Variants in INCENP observed in about 807,000 individuals in gnomAD.
INCENP encodes binds and activates aurora-B and -C in vivo and in vitro.
In INCENP, 43 loss-of-function variants were observed where a neutral mutation model predicts 107.3. The ratio of observed to expected loss-of-function variants is 0.40; its 90% confidence interval spans 0.31 to 0.52. The LOEUF (loss-of-function observed/expected upper bound fraction) is 0.52, where lower values mean the gene tolerates loss of function less well. Ranked by LOEUF, INCENP falls within the 20% of genes least tolerant of loss-of-function variation. The pLI is 0.53. For missense variants in INCENP, 1,089 were observed against 1,250.9 expected (o/e 0.87, Z 1.95); for synonymous variants, 488 against 494.4 (o/e 0.99, Z 0.17).
chr11:62,151,439 G>C (rs1457346455), intron 18 of INCENP, among the ~76,000 whole-genome samples: 1 of 152,228 alleles, frequency 6.6e-6, no homozygotes, highest in Non-Finnish European at 1.5e-5. Context: ...GCCATTATTA[G>C]CTGTATGCCT....
intron 11 of INCENP, among the ~76,000 whole-genome samples, chr11:62,142,721 C>T (rs1165457929): frequency 6.6e-6 from 1 of 152,170 alleles, no homozygotes; most frequent in Middle Eastern, 3.2e-3. Flanking sequence ...ATGTTAGTCC[C>T]GATTTTGAAG....
intron 11 of INCENP, 25 bp downstream of exon 11, chr11:62,141,536 T>G (rs1307511582): frequency 6.2e-7 from 1 of 1,613,998 alleles, no homozygotes; most frequent in Admixed American, 1.7e-5. Context: ...TTCCTGTCGG[T>G]AACCTCGCCC....
intron 7 of INCENP, among the ~76,000 whole-genome samples, chr11:62,139,523 C>T (rs1470495592): frequency 2.0e-5 from 3 of 152,216 alleles, no homozygotes; most frequent in Non-Finnish European, 4.4e-5. Flanking sequence ...GCTGTGAGAT[C>T]TTGAACACGG....
At chr11:62,126,465 G>A (rs1943752769) in intron 1 of INCENP, among the ~76,000 whole-genome samples, 1 of 152,148 alleles carries the variant, frequency 6.6e-6, no homozygotes. Flanking sequence ...TAAAGTGCTG[G>A]GATTACAGGC....
chr11:62,144,810 G>A (rs1015163674), intron 11 of INCENP, 172 bp from the exon 12 acceptor site: 3 of 770,158 alleles, frequency 3.9e-6, no homozygotes, highest in Non-Finnish European at 7.1e-6. Flanking sequence ...GGGAGCTGCG[G>A]GCCTTGGCTT....
rs765006826 is a variant in INCENP at position 62,128,847 on chromosome 11, A to G, written c.218A>G (p.Tyr73Cys). The G allele has an allele frequency of 1.9e-6, 3 of 1,613,890 alleles. No homozygotes were observed. Among genetic ancestry groups the G allele is most frequent in the Non-Finnish European group, 2.5e-6 (3 of 1,179,878 alleles). The change falls in exon 3 of 19, where the codon TAT (tyrosine) becomes TGT (cysteine). Residue 73 changes from tyrosine to cysteine, a missense_variant. By Grantham distance (194) the Tyr-to-Cys change is radical (BLOSUM62 -2). Transcript: ENST00000394818. ...CGACGGAAGAAGAGACGGATTTCTT[A>G]TGTTCAGGATGAAAACAGAGATCCC... Reference protein sequence around the residue: ...KNRRKKRRISYVQDENRDPIR... With the variant: ...KNRRKKRRISCVQDENRDPIR...
intron 13 of INCENP, 87 bp from the exon 14 acceptor site, chr11:62,145,542 G>C: frequency 6.8e-7 from 1 of 1,475,184 alleles, no homozygotes; most frequent in African/African-American, 1.4e-5. Flanking sequence ...GCAGGGGCAG[G>C]TGGGGCCTGT....
chr11:62,145,495 G>A, intron 13 of INCENP, 134 bp from the exon 14 acceptor site: 1 of 1,334,136 alleles, frequency 7.5e-7, no homozygotes, highest in South Asian at 1.5e-5. Context: ...CCGGCTTCTG[G>A]TGTCCTCTCC....
chr11:62,135,168 C>T (rs984140947), intron 4 of INCENP, among the ~76,000 whole-genome samples: 1 of 152,166 alleles, frequency 6.6e-6, no homozygotes, highest in African/African-American at 2.4e-5. Flanking sequence ...TCAGGACCAG[C>T]GCAAGAAGTG....
intron 4 of INCENP, among the ~76,000 whole-genome samples, chr11:62,135,787 T>A (rs1590613010): frequency 6.6e-6 from 1 of 152,182 alleles, no homozygotes; most frequent in African/African-American, 2.4e-5. Flanking sequence ...TTCAAAATTC[T>A]ACTCTTGGAT....
At chr11:62,140,016 G>A (rs1258953432) in intron 7 of INCENP, among the ~76,000 whole-genome samples, 1 of 152,038 alleles carries the variant, frequency 6.6e-6, no homozygotes, top group Non-Finnish European at 1.5e-5. Flanking sequence ...TGACCTCAAG[G>A]ATCCGCCCAC....
At chr11:62,137,300 C>A (rs1944013158) in intron 4 of INCENP, among the ~76,000 whole-genome samples, 1 of 152,110 alleles carries the variant, frequency 6.6e-6, no homozygotes, top group Admixed American at 6.5e-5. Context: ...AAGACTCCGT[C>A]TCAAAAAAAA....
chr11:62,140,402 G>C, intron 8 of INCENP, 117 bp downstream of exon 8: 1 of 915,288 alleles, frequency 1.1e-6, no homozygotes, highest in Non-Finnish European at 1.8e-6. Flanking sequence ...TCTCTGCTGG[G>C]GTGTGGCCTG....
intron 4 of INCENP, among the ~76,000 whole-genome samples, chr11:62,134,417 A>C (rs1627693): frequency 0.48 from 71,990 of 149,620 alleles, 19,615 homozygotes; most frequent in Middle Eastern, 0.63. Context: ...AAAAAAAAAA[A>C]AAAGCTTTGA....
At position 62,153,123 on chromosome 11, in the gene INCENP, C is replaced by G. The variant is rs1763397426; in HGVS notation, c.*1147C>G. ...TACTATTTGAACTTTTTCAGAAGTT[C>G]TGCTTAAGGACAAAATAAAGCCTAA... On this transcript the variant is annotated 3_prime_UTR_variant, in exon 19 of 19. Transcript: ENST00000394818. 1 of 152,220 alleles carries G rather than the reference C, an allele frequency of 6.6e-6. No homozygotes were observed. Among genetic ancestry groups the G allele is most frequent in the Non-Finnish European group, 1.5e-5 (1 of 68,044 alleles). 9.4% of individuals were successfully genotyped at this position (152,220 alleles called of 1,614,324 possible).
At chr11:62,148,594 C>A in intron 16 of INCENP, 40 bp downstream of exon 16, 2 of 1,572,402 alleles carry the variant, frequency 1.3e-6, no homozygotes, top group Non-Finnish European at 1.7e-6. Context: ...GGGGTCTGCC[C>A]TGAGCTGTGG....
At chr11:62,125,897 A>C (rs1259524589) in intron 1 of INCENP, among the ~76,000 whole-genome samples, 1 of 152,254 alleles carries the variant, frequency 6.6e-6, no homozygotes, top group Non-Finnish European at 1.5e-5. Flanking sequence ...AGTGCTCTGC[A>C]GAGAATTACA....
rs973890502 is a variant in INCENP at position 62,152,939 on chromosome 11, T to C, written c.*963T>C. The C allele has an allele frequency of 6.6e-6, 1 of 152,272 alleles. No individual in the cohort carries two copies. Among genetic ancestry groups the C allele is most frequent in the African/African-American group, 2.4e-5 (1 of 41,474 alleles). 9.4% of individuals were successfully genotyped at this position (152,272 alleles called of 1,614,324 possible). A position where few individuals can be genotyped will look rare whatever the true frequency, so the allele number is the denominator to read the frequency against. The stretch of plus-strand genomic sequence containing the variant: ...ACTGTAGCCCCGGGTTGTCAAACTA[T>C]GGCCTGTGGGCCAAATCCAGCCACA... On this transcript the variant is annotated 3_prime_UTR_variant, in exon 19 of 19. Transcript: ENST00000394818.
chr11:62,143,108 G>A (rs1944160005), intron 11 of INCENP, among the ~76,000 whole-genome samples: 1 of 152,060 alleles, frequency 6.6e-6, no homozygotes, highest in African/African-American at 2.4e-5. Flanking sequence ...AGCTTTCTCT[G>A]TCCAGGGTCG....
Sources: allele counts gnomAD v4.1 joint callset (sites outside exome capture counted in the v4.1 genomes callset), GRCh38; gene constraint gnomAD v4.1.1; transcripts MANE v1.5; gene names NCBI Gene and HGNC (gene_info 2026-07-23, HGNC 2026-07-21).